Variants in CSMD1 observed in about 807,000 individuals in gnomAD.
CSMD1 encodes CUB and Sushi multiple domains 1, also known as CUB and sushi domain-containing protein 1.
CSMD1 carries 213 observed loss-of-function variants against 417.5 expected under a neutral mutation model. The observed-to-expected ratio is 0.51, with a 90% CI of 0.46 to 0.57. The LOEUF (loss-of-function observed/expected upper bound fraction) is 0.57. Among genes scored for constraint, CSMD1 ranks in the 20% least tolerant of loss-of-function variants. The pLI, the probability that CSMD1 is intolerant of heterozygous loss-of-function variation, is 0.00. For missense variants in CSMD1, 6,923 were observed against 4,529.7 expected (o/e 1.53, Z -15.17); for synonymous variants, 2,862 against 1,736.8 (o/e 1.65, Z -16.11).
intron 42 of CSMD1, among the ~76,000 whole-genome samples, chr8:3,114,088 A>G (rs919019840): frequency 6.6e-6 from 1 of 151,614 alleles, no homozygotes; most frequent in African/African-American, 2.4e-5. Context: ...CAAACAAAAA[A>G]CATTAATTAT....
Position 4,258,138 on chromosome 8 carries a change from T to C in CSMD1, c.415+161815A>G, listed in dbSNP as rs181850819. Among the ~76,000 whole-genome samples the C allele has an allele frequency of 3.9e-3, 584 of 150,668 alleles. 3 individuals carry two copies. Among genetic ancestry groups the C allele is most frequent in the African/African-American group, 0.013 (548 of 40,968 alleles). ...TTTTCTATTTTTAGTAGAGATGAGG[T>C]CTCACCATGTTGTTCAGGCTGGTCT... is the stretch of plus-strand genomic sequence containing the variant. On this transcript the variant is annotated intron_variant, in intron 3 of 69. Coordinates refer to ENST00000635120, the MANE Select transcript of CSMD1 (RefSeq NM_033225.6).
At chr8:3,798,543 A>G (rs1417578045) in intron 5 of CSMD1, among the ~76,000 whole-genome samples, 4 of 152,046 alleles carry the variant, frequency 2.6e-5, no homozygotes, top group African/African-American at 9.7e-5. Context: ...TCATATGAAA[A>G]CACTTTTCCA....
intron 26 of CSMD1, among the ~76,000 whole-genome samples, chr8:3,267,251 G>A (rs1801500967): frequency 6.6e-6 from 1 of 152,172 alleles, no homozygotes; most frequent in South Asian, 2.1e-4. Context: ...CATGACCGTT[G>A]GAAGGAAGTG....
chr8:4,420,713 C>G (rs1320118579), intron 2 of CSMD1, among the ~76,000 whole-genome samples: 5 of 152,092 alleles, frequency 3.3e-5, no homozygotes, highest in African/African-American at 1.2e-4. Context: ...AGCAAAGGCC[C>G]CGTGCAATAG....
At chr8:4,243,023 G>C (rs180735991) in intron 3 of CSMD1, among the ~76,000 whole-genome samples, 2 of 152,266 alleles carry the variant, frequency 1.3e-5, no homozygotes, top group Non-Finnish European at 2.9e-5. Flanking sequence ...AAACAGACTA[G>C]AATGGCAGAG....
At chr8:3,180,983 C>A (rs1225954166) in intron 37 of CSMD1, 127 bp downstream of exon 37, 2 of 664,626 alleles carry the variant, frequency 3.0e-6, no homozygotes, top group Non-Finnish European at 5.2e-6. Flanking sequence ...CACTAAATTT[C>A]ATGCAAGTCT....
chr8:3,660,883 C>G (rs987615990), intron 7 of CSMD1, among the ~76,000 whole-genome samples: 3 of 152,144 alleles, frequency 2.0e-5, no homozygotes, highest in African/African-American at 4.8e-5. Context: ...GACTCTATGA[C>G]AGATTTTTTG....
chr8:4,608,649 A>G (rs936413446), intron 2 of CSMD1, among the ~76,000 whole-genome samples: 39 of 152,150 alleles, frequency 2.6e-4, no homozygotes, highest in Middle Eastern at 3.2e-3. Flanking sequence ...ATTTTTAATC[A>G]CCGTTTATTA....
intron 25 of CSMD1, among the ~76,000 whole-genome samples, chr8:3,297,287 A>T (rs542216905): frequency 6.6e-6 from 1 of 152,324 alleles, no homozygotes; most frequent in Non-Finnish European, 1.5e-5. Flanking sequence ...TATCAATAAA[A>T]ATCCAGGCAA....
Position 4,644,607 on chromosome 8 carries a change from C to T in CSMD1, c.86-7049G>A, listed in dbSNP as rs138897335. On this transcript the variant is annotated intron_variant, in intron 1 of 69. Transcript: ENST00000635120. ...TTTTTAGTAGAGACAGGGTTGTTCACCGTGTTGCCCAGGCTGGGCAGGAAC... is the reference window on the plus strand; with the variant it reads ...TTTTTAGTAGAGACAGGGTTGTTCATCGTGTTGCCCAGGCTGGGCAGGAAC... Among the ~76,000 whole-genome samples, 1,445 of 152,300 alleles carry T rather than the reference C, an allele frequency of 9.5e-3. 22 individuals are homozygous for T. Among genetic ancestry groups the T allele is most frequent in the African/African-American group, 0.032 (1,312 of 41,554 alleles).
intron 8 of CSMD1, among the ~76,000 whole-genome samples, chr8:3,610,702 AT>A (rs1298633288): frequency 6.6e-6 from 1 of 151,980 alleles, no homozygotes; most frequent in Non-Finnish European, 1.5e-5. Context: ...CTTTCTTCAT[AT>A]GTTCTTTCTC....
In CSMD1 at chr8:4,821,083, T is replaced by A. The variant is rs183735416; in HGVS notation, c.85+173249A>T. Among the ~76,000 whole-genome samples the A allele has an allele frequency of 6.6e-5, 10 of 152,138 alleles. No homozygotes were observed. In the East Asian group the frequency reaches 1.9e-3, roughly 29 times the overall value. On this transcript the variant is annotated intron_variant, in intron 1 of 69. Coordinates refer to ENST00000635120, the MANE Select transcript of CSMD1 (RefSeq NM_033225.6). Reference sequence around the variant, plus strand: ...GGAGGGGAAAGAGATCTTCCTTAAGTGTAAAAAGATACCAGATTGATACTT... The same window carrying A: ...GGAGGGGAAAGAGATCTTCCTTAAGAGTAAAAAGATACCAGATTGATACTT...
At chr8:4,421,875 C>A (rs1455801124) in intron 2 of CSMD1, among the ~76,000 whole-genome samples, 1 of 151,606 alleles carries the variant, frequency 6.6e-6, no homozygotes, top group Non-Finnish European at 1.5e-5. Flanking sequence ...AATGAAAGAG[C>A]CAGTTCTTTG....
chr8:3,726,376 T>A (rs949424390), intron 6 of CSMD1, among the ~76,000 whole-genome samples: 1 of 152,168 alleles, frequency 6.6e-6, no homozygotes. Flanking sequence ...TCCACCACCA[T>A]CTTTCAGGCT....
At chr8:4,163,660 A>T (rs1294353069) in intron 3 of CSMD1, among the ~76,000 whole-genome samples, 2 of 152,160 alleles carry the variant, frequency 1.3e-5, no homozygotes, top group African/African-American at 4.8e-5. Context: ...AAATTCAAGG[A>T]AATAATTTTA....
intron 2 of CSMD1, among the ~76,000 whole-genome samples, chr8:4,578,621 C>T (rs896668005): frequency 2.0e-5 from 3 of 150,978 alleles, no homozygotes; most frequent in Non-Finnish European, 1.5e-5. Flanking sequence ...TCAAGATCAG[C>T]CTGGCCAACA....
intron 3 of CSMD1, among the ~76,000 whole-genome samples, chr8:4,167,848 C>G (rs531902940): frequency 3.3e-5 from 5 of 152,114 alleles, no homozygotes; most frequent in Admixed American, 1.3e-4. Context: ...TATAAAAAGG[C>G]CAGACATGAT....
intron 4 of CSMD1, among the ~76,000 whole-genome samples, chr8:4,015,683 A>AG (rs1554516930): frequency 6.8e-6 from 1 of 147,076 alleles, no homozygotes; most frequent in Non-Finnish European, 1.5e-5. Context: ...AAAAAAAAAA[A>AG]CTCAAGACAG....
chr8:4,580,278 C>T (rs1799350276), intron 2 of CSMD1, among the ~76,000 whole-genome samples: 2 of 152,296 alleles, frequency 1.3e-5, no homozygotes, highest in South Asian at 4.1e-4. Context: ...ATCACCCAGC[C>T]AGGTGTCTCC....
Sources: gnomAD v4.1 joint callset for allele counts (sites outside exome capture counted in the v4.1 genomes callset) on GRCh38, gnomAD v4.1.1 for gene constraint, MANE v1.5 for transcripts, NCBI Gene and HGNC (gene_info 2026-07-23, HGNC 2026-07-21) for gene names.